ADGRD1: variants seen among roughly 807,000 people sequenced by gnomAD.
ADGRD1 encodes the protein G-protein coupled receptor 133.
In ADGRD1, 77 loss-of-function variants were observed where a neutral mutation model predicts 113.4. The ratio of observed to expected loss-of-function variants is 0.68; its 90% CI spans 0.57 to 0.82. ADGRD1 has a LOEUF of 0.82. Among genes scored for constraint, ADGRD1 ranks in the 40% least tolerant of loss-of-function variants. ADGRD1 has a pLI of 0.00. For synonymous variants in ADGRD1, 474 were observed against 475.0 expected (o/e 1.00, Z 0.03); for missense variants, 1,036 against 1,139.1 (o/e 0.91, Z 1.30).
chr12:130,980,117 T>TG (rs1480287933), intron 4 of ADGRD1, among the ~76,000 whole-genome samples: 1 of 151,782 alleles, frequency 6.6e-6, no homozygotes, highest in African/African-American at 2.4e-5. Context: ...CTCTTTTTTT[T>TG]TTTTTGAGAC....
Position 131,136,079 on chromosome 12 carries a change from T to G in ADGRD1, c.2310T>G (p.Gly770=). The part of the protein sequence containing the change: ...KAVAVLLPIL[G]TSWVFGVLAV... The stretch of plus-strand genomic sequence containing the variant: ...TGGCCGTGCTGCTGCCCATCCTGGG[T>G]ACCTCGTGGGTCTTTGGCGTGCTTG... The change falls in exon 22 of 25, where the codon GGT becomes GGG. Residue 770 remains glycine, a synonymous_variant. Transcript: ENST00000261654. 6.2e-7 allele frequency: 1 copy of G among 1,614,182 alleles called. No individual in the cohort carries two copies. Among genetic ancestry groups the G allele is most frequent in the Non-Finnish European group, 8.5e-7 (1 of 1,179,992 alleles).
rs1398050154 is a variant in ADGRD1 at position 130,967,079 on chromosome 12, T to TA, written c.187+534dup. On this transcript the variant is annotated intron_variant, in intron 3 of 24. Transcript: ENST00000261654. Reference sequence around the variant, plus strand: ...ATGTGCAAGTCAGGCGTCTGTTTTCTACGTTGAATGGACTAGCGTCATCTG... The same window carrying TA: ...ATGTGCAAGTCAGGCGTCTGTTTTCTAACGTTGAATGGACTAGCGTCATCTG... 1.8e-4 allele frequency: 82 copies of TA among 454,660 alleles called. No homozygotes were observed. The Admixed American group carries it at 1.9e-3, about 11-fold the overall frequency. 28.2% of individuals were successfully genotyped at this position (454,660 alleles called of 1,614,324 possible).
rs933477506 is a variant in ADGRD1, at chr12:131,060,053, G to A, written c.1474-16748G>A. 3.9e-5 allele frequency among the ~76,000 whole-genome samples: 6 copies of A among 152,362 alleles called. No homozygotes were observed. The highest frequency in any genetic ancestry group is 2.1e-4 in the South Asian group (1 of 4,824). Reference sequence around the variant, plus strand: ...CCACCACTGGGAAGGGCCATGTGCCGCAGTACTGCGGCGTGGGGGTGAAAG... The same window carrying A: ...CCACCACTGGGAAGGGCCATGTGCCACAGTACTGCGGCGTGGGGGTGAAAG... On this transcript the variant is annotated intron_variant, in intron 13 of 24. Coordinates refer to ENST00000261654, the MANE Select transcript of ADGRD1 (RefSeq NM_198827.5). This position sits in a 1 kb window ranked among gnomAD's most constrained non-coding sequence, Gnocchi z 4.4.
intron 13 of ADGRD1, among the ~76,000 whole-genome samples, chr12:131,016,193 A>G (rs1369065075): frequency 6.6e-6 from 1 of 152,238 alleles, no homozygotes; most frequent in Non-Finnish European, 1.5e-5. Context: ...ATTAGCACAG[A>G]GTCTCAGCTC....
intron 22 of ADGRD1, among the ~76,000 whole-genome samples, chr12:131,136,704 C>T (rs1593280053): frequency 2.0e-5 from 3 of 152,258 alleles, no homozygotes; most frequent in East Asian, 1.9e-4. Context: ...CCCTTGCCCA[C>T]GCTGAGCCTG....
chr12:131,030,071 G>A (rs1880496706), intron 13 of ADGRD1, among the ~76,000 whole-genome samples: 1 of 148,494 alleles, frequency 6.7e-6, no homozygotes, highest in African/African-American at 2.5e-5. Context: ...GTTAGGTTGT[G>A]GACCCGTCGT....
intron 2 of ADGRD1, among the ~76,000 whole-genome samples, chr12:130,960,669 AC>A (rs1870241690): frequency 1.3e-5 from 2 of 152,050 alleles, no homozygotes; most frequent in African/African-American, 4.8e-5. Flanking sequence ...TCTCACACAC[AC>A]ACACACATAC....
intron 2 of ADGRD1, among the ~76,000 whole-genome samples, chr12:130,961,339 A>C (rs1870334431): frequency 6.6e-6 from 1 of 152,200 alleles, no homozygotes; most frequent in Non-Finnish European, 1.5e-5. Flanking sequence ...TATGGATGAT[A>C]AATTATTTCT....
intron 13 of ADGRD1, among the ~76,000 whole-genome samples, chr12:131,072,910 C>T (rs2137146127): frequency 6.6e-6 from 1 of 152,352 alleles, no homozygotes; most frequent in South Asian, 2.1e-4. Context: ...CACCTCTGCC[C>T]AGGAGCCAGC....
At chr12:131,083,684 C>T (rs12811004) in intron 14 of ADGRD1, among the ~76,000 whole-genome samples, 12,901 of 152,280 alleles carry the variant, frequency 0.085, 732 homozygotes, top group Non-Finnish European at 0.12. Context: ...TTCACACCAA[C>T]AGGTTTAACC....
chr12:131,038,037 C>CA (rs897749814), intron 13 of ADGRD1, among the ~76,000 whole-genome samples: 5 of 147,600 alleles, frequency 3.4e-5, no homozygotes, highest in Non-Finnish European at 7.5e-5. Flanking sequence ...CTCACTACAC[C>CA]AGGCCTCACT....
At position 131,139,311 on chromosome 12, in the gene ADGRD1, C is replaced by G. The variant is rs144392939; in HGVS notation, c.*48C>G. 1,969 of 1,307,200 alleles carry G rather than the reference C, an allele frequency of 1.5e-3. 51 individuals carry two copies. In the East Asian group the frequency reaches 0.022, roughly 15 times the overall value. 81.0% of individuals were successfully genotyped at this position (1,307,200 alleles called of 1,614,324 possible). ...CAGGCTGCGCTCAGAACACACCCCC[C>G]CAAACAGAATGAAATGCCCCACCTT... On this transcript the variant is annotated 3_prime_UTR_variant, in exon 25 of 25. Transcript: ENST00000261654.
Position 131,137,028 on chromosome 12 carries a change from G to A in ADGRD1, c.2436+14G>A. The A allele has an allele frequency of 6.2e-7, 1 of 1,607,090 alleles. No homozygotes were observed. Among genetic ancestry groups the A allele is most frequent in the Non-Finnish European group, 8.5e-7 (1 of 1,173,610 alleles). ...CTGAATTCAGAGGTACGTCCGCTCT[G>A]CTTGCTGGCAGGTGCAGGTGCAGCT... On this transcript the variant is annotated intron_variant, in intron 23 of 24. Transcript: ENST00000261654.
intron 13 of ADGRD1, among the ~76,000 whole-genome samples, chr12:131,059,211 C>T (rs1001396733): frequency 1.3e-5 from 2 of 152,066 alleles, no homozygotes; most frequent in South Asian, 2.1e-4. Context: ...AGTCTCACTC[C>T]GTCACCCAGG....
chr12:131,001,807 G>T (rs560603402), intron 9 of ADGRD1, among the ~76,000 whole-genome samples: 2 of 152,268 alleles, frequency 1.3e-5, no homozygotes, highest in Admixed American at 6.5e-5. Context: ...GGCCCAGAAG[G>T]GTCCCAACCA....
At chr12:131,044,818 A>C (rs1196548728) in intron 13 of ADGRD1, among the ~76,000 whole-genome samples, 1 of 152,246 alleles carries the variant, frequency 6.6e-6, no homozygotes, top group African/African-American at 2.4e-5. Flanking sequence ...TCCTTCCAGC[A>C]CACAGAGCTA....
In ADGRD1 at chr12:130,987,313, C is replaced by T; in HGVS notation, c.709C>T (p.Pro237Ser). 6.2e-7 allele frequency: 1 copy of T among 1,614,178 alleles called. No homozygotes were observed. Among genetic ancestry groups the T allele is most frequent in the Non-Finnish European group, 8.5e-7 (1 of 1,180,044 alleles). Residue 237 changes from proline to serine, a missense_variant, in exon 6 of 25, where the codon CCG (proline) becomes TCG (serine). Coordinates refer to ENST00000261654, the MANE Select transcript of ADGRD1 (RefSeq NM_198827.5). ...EFIIWERALT[P>S]DEIAMYFTAA... ...CATCATCTGGGAGCGGGCTCTGACT[C>T]CGGATGAGATCGCCATGTACTTCAC...
intron 14 of ADGRD1, among the ~76,000 whole-genome samples, chr12:131,080,129 C>T (rs1885952253): frequency 6.6e-6 from 1 of 152,092 alleles, no homozygotes; most frequent in African/African-American, 2.4e-5. Flanking sequence ...TTTCTGTGAG[C>T]ACTGATCTAG....
chr12:131,039,733 C>T (rs1190120940), intron 13 of ADGRD1, among the ~76,000 whole-genome samples: 8 of 152,360 alleles, frequency 5.3e-5, no homozygotes, highest in South Asian at 4.1e-4. Flanking sequence ...ACGCCCCTGC[C>T]GCTAAGCCCA....
Sources: gnomAD v4.1 joint callset for allele counts (sites outside exome capture counted in the v4.1 genomes callset) on GRCh38, gnomAD v4.1.1 for gene constraint, Gnocchi (gnomAD v3.1) non-coding constraint, MANE v1.5 for transcripts, NCBI Gene and HGNC (gene_info 2026-07-23, HGNC 2026-07-21) for gene names.